MXI1: variants seen among roughly 807,000 people sequenced by gnomAD.
MXI1 encodes the protein max-interacting protein 1.
Under a neutral mutation model 36.9 loss-of-function variants are expected in MXI1, and 18 were observed. That is an observed-to-expected ratio of 0.49 (90% CI 0.34 to 0.72). The LOEUF is 0.72. Ranked by LOEUF, MXI1 falls within the 30% of genes least tolerant of loss-of-function variation. MXI1 has a pLI of 0.01. For synonymous variants in MXI1, 160 were observed against 146.7 expected, an observed-to-expected ratio of 1.09 and a Z score of -0.65; for missense variants, 304 against 379.1, an observed-to-expected ratio of 0.80 and a Z score of 1.64.
At chr10:110,271,831 G>A (rs1856863542) in intron 3 of MXI1, among the ~76,000 whole-genome samples, 2 of 152,176 alleles carry the variant, frequency 1.3e-5, no homozygotes, top group African/African-American at 4.8e-5. Flanking sequence ...GGCACTTCAT[G>A]TTCTTCATAT....
intron 2 of MXI1, among the ~76,000 whole-genome samples, chr10:110,232,268 T>C (rs1289270826): frequency 1.3e-5 from 2 of 152,224 alleles, no homozygotes; most frequent in Admixed American, 1.3e-4. Flanking sequence ...CCAGTTCTTA[T>C]GAATTACATT....
At chr10:110,212,195 C>T (rs184021128) in intron 1 of MXI1, among the ~76,000 whole-genome samples, 24 of 152,272 alleles carry the variant, frequency 1.6e-4, no homozygotes, top group African/African-American at 5.1e-4. Context: ...AGCCATAAGG[C>T]TCCTTGGAGT....
chr10:110,273,006 T>A (rs1012449984), intron 3 of MXI1, among the ~76,000 whole-genome samples: 2 of 151,668 alleles, frequency 1.3e-5, no homozygotes, highest in African/African-American at 4.8e-5. Context: ...AACATACGAT[T>A]ATCAAATGCC....
At chr10:110,210,791 G>C (rs1391065723) in intron 1 of MXI1, among the ~76,000 whole-genome samples, 1 of 152,242 alleles carries the variant, frequency 6.6e-6, no homozygotes, top group Non-Finnish European at 1.5e-5. Flanking sequence ...GCGCGTCACG[G>C]CAATCCGCGT....
chr10:110,256,602 CAAAAAAAAAAAAA>C (rs58267076), intron 3 of MXI1, among the ~76,000 whole-genome samples: 1 of 48,870 alleles, frequency 2.0e-5, no homozygotes, highest in Admixed American at 2.5e-4. Flanking sequence ...GACTCTGTCT[CAAAAAAAAAAAAA>C]AAAAAAAAAA....
intron 3 of MXI1, among the ~76,000 whole-genome samples, chr10:110,247,232 T>A (rs1452372800): frequency 1.3e-5 from 2 of 152,032 alleles, no homozygotes; most frequent in Admixed American, 1.3e-4. Context: ...TTGATGGGGT[T>A]GTTTGTTTTT....
intron 1 of MXI1, among the ~76,000 whole-genome samples, chr10:110,224,890 C>T (rs1564707345): frequency 1.3e-5 from 2 of 152,222 alleles, no homozygotes; most frequent in African/African-American, 4.8e-5. Flanking sequence ...TCAGGTGATC[C>T]GCCCACCTCA....
intron 1 of MXI1, chr10:110,227,221 C>G: frequency 7.5e-6 from 3 of 401,604 alleles, no homozygotes; most frequent in Non-Finnish European, 8.8e-6. Context: ...GGGGTGCGCG[C>G]GTGGGAGGGA....
intron 1 of MXI1, among the ~76,000 whole-genome samples, chr10:110,223,817 C>G (rs1854883003): frequency 6.9e-6 from 1 of 145,788 alleles, no homozygotes; most frequent in Non-Finnish European, 1.5e-5. Context: ...TTTTGAAAGC[C>G]TTTACAAAAA....
chr10:110,260,418 T>G (rs200188488), intron 3 of MXI1, among the ~76,000 whole-genome samples: 369 of 6,688 alleles, frequency 0.055, 4 homozygotes, highest in African/African-American at 0.17. Context: ...TTGATACAGG[T>G]GTGTGTGTGT....
chr10:110,208,113 C>T (rs755606447), intron 1 of MXI1, 31 bp downstream of exon 1: 1 of 1,559,572 alleles, frequency 6.4e-7, no homozygotes, highest in Non-Finnish European at 8.7e-7. Context: ...TCTTCCTCGG[C>T]GCCCGGTTCT....
intron 1 of MXI1, among the ~76,000 whole-genome samples, chr10:110,221,375 C>T (rs556358615): frequency 6.6e-5 from 10 of 152,254 alleles, no homozygotes; most frequent in African/African-American, 2.4e-4. Context: ...ATGACATAAA[C>T]CTTGAAATGT....
Position 110,285,094 on chromosome 10 carries a change from CA to C in MXI1, c.*111del. 3 of 1,028,712 alleles carry C rather than the reference CA, an allele frequency of 2.9e-6. No homozygotes were observed. The highest frequency in any genetic ancestry group is 2.7e-6 in the Non-Finnish European group (2 of 747,758). The allele number at this position is 1,028,712 out of a possible 1,614,324, so 63.7% of individuals were successfully genotyped here. ...ATGCAGTCTCCTCTTTAAAACAAAA[CA>C]AAACAAAACAAAACTATACTTGAAC... On this transcript the variant is annotated 3_prime_UTR_variant, in exon 6 of 6. Transcript: ENST00000332674.
At chr10:110,261,306 G>C (rs1856500632) in intron 3 of MXI1, among the ~76,000 whole-genome samples, 2 of 151,986 alleles carry the variant, frequency 1.3e-5, no homozygotes, top group Admixed American at 1.3e-4. Flanking sequence ...CGTTGGAAAT[G>C]AGAGCTGTGC....
At chr10:110,211,774 A>G (rs769880060) in intron 1 of MXI1, among the ~76,000 whole-genome samples, 2 of 152,214 alleles carry the variant, frequency 1.3e-5, no homozygotes, top group Non-Finnish European at 2.9e-5. Flanking sequence ...TCCCTAGGAA[A>G]GGCAGGTACA....
intron 3 of MXI1, among the ~76,000 whole-genome samples, chr10:110,245,451 A>T (rs1156235431): frequency 6.6e-6 from 1 of 152,218 alleles, no homozygotes; most frequent in Non-Finnish European, 1.5e-5. Context: ...AGCAGAAGGT[A>T]CTAGAGGGTA....
intron 3 of MXI1, among the ~76,000 whole-genome samples, chr10:110,277,890 T>TA (rs1458583863): frequency 1.6e-4 from 24 of 152,352 alleles, no homozygotes; most frequent in Admixed American, 8.5e-4. Context: ...TTCAAATTGC[T>TA]AGCCTTTGAG....
At chr10:110,249,732 G>T (rs575795959) in intron 3 of MXI1, among the ~76,000 whole-genome samples, 121 of 152,256 alleles carry the variant, frequency 7.9e-4, no homozygotes, top group African/African-American at 2.9e-3. Flanking sequence ...ATATGGAATT[G>T]TGAAACCTGT....
chr10:110,272,071 T>C (rs1350734338), intron 3 of MXI1, among the ~76,000 whole-genome samples: 1 of 152,210 alleles, frequency 6.6e-6, no homozygotes, highest in Non-Finnish European at 1.5e-5. Flanking sequence ...TGATGTGTTG[T>C]GATTTGCTGT....
Sources: allele counts gnomAD v4.1 joint callset (sites outside exome capture counted in the v4.1 genomes callset), GRCh38; gene constraint gnomAD v4.1.1; transcripts MANE v1.5; gene names NCBI Gene and HGNC (gene_info 2026-07-23, HGNC 2026-07-21).